The following CSMD1 variants were observed in gnomAD, a reference collection of about 807,000 sequenced individuals.
CSMD1 encodes CUB and sushi domain-containing protein 1.
In CSMD1, 213 loss-of-function variants were observed where a neutral mutation model predicts 417.5. That is an observed-to-expected ratio of 0.51 (90% CI 0.46 to 0.57). The LOEUF is 0.57. Among genes scored for constraint, CSMD1 ranks in the 20% least tolerant of loss-of-function variants. The pLI, the probability that CSMD1 is intolerant of heterozygous loss-of-function variation, is 0.00. For missense variants in CSMD1, 6,923 were observed against 4,529.7 expected, an observed-to-expected ratio of 1.53 and a Z score of -15.17; for synonymous variants, 2,862 against 1,736.8, an observed-to-expected ratio of 1.65 and a Z score of -16.11.
chr8:3,661,965 C>T (rs1199764794), intron 7 of CSMD1, among the ~76,000 whole-genome samples: 1 of 152,150 alleles, frequency 6.6e-6, no homozygotes, highest in African/African-American at 2.4e-5. Flanking sequence ...GAGAACGGGA[C>T]ACCCAGAGGC....
intron 4 of CSMD1, among the ~76,000 whole-genome samples, chr8:4,000,137 C>G (rs1815553366): frequency 6.6e-6 from 1 of 152,182 alleles, no homozygotes; most frequent in Non-Finnish European, 1.5e-5. Context: ...TGCAAGCACA[C>G]ACACTTCCCT....
In CSMD1 at chr8:4,555,524, A is replaced by G. The variant is rs1037763417; in HGVS notation, c.302+81818T>C. ...CTGGCCACTTGGTTTTCTACTCTCCATCTGCATCCCAGTTCCTTTTTCCTG... is the reference window on the plus strand; with the variant it reads ...CTGGCCACTTGGTTTTCTACTCTCCGTCTGCATCCCAGTTCCTTTTTCCTG... On this transcript the variant is annotated intron_variant, in intron 2 of 69. Transcript: ENST00000635120. Among the ~76,000 whole-genome samples, 4 of 152,142 alleles carry G rather than the reference A, an allele frequency of 2.6e-5. No individual in the cohort carries two copies. In the East Asian group the frequency reaches 5.8e-4, roughly 22 times the overall value.
chr8:4,948,681 A>T (rs564121539), intron 1 of CSMD1, among the ~76,000 whole-genome samples: 1 of 152,070 alleles, frequency 6.6e-6, no homozygotes, highest in Admixed American at 6.6e-5. Flanking sequence ...TCATATTTTT[A>T]AATAATTTGT....
intron 3 of CSMD1, among the ~76,000 whole-genome samples, chr8:4,101,245 C>T (rs541325979): frequency 1.4e-3 from 219 of 152,256 alleles, no homozygotes; most frequent in African/African-American, 5.1e-3. Context: ...CTGTTTCTCC[C>T]CTGAGGTTAA....
chr8:3,515,310 A>T (rs1797239890), intron 10 of CSMD1: 1 of 152,196 alleles, frequency 6.6e-6, no homozygotes, highest in Non-Finnish European at 1.5e-5. Flanking sequence ...ATCTGAGCTG[A>T]TGCTGGCATG....
intron 3 of CSMD1, among the ~76,000 whole-genome samples, chr8:4,085,979 T>C (rs1305457964): frequency 6.6e-6 from 1 of 152,132 alleles, no homozygotes; most frequent in Non-Finnish European, 1.5e-5. Flanking sequence ...TACCTTGAAA[T>C]AAAAACTGTA....
chr8:4,566,460 T>C (rs958372132), intron 2 of CSMD1, among the ~76,000 whole-genome samples: 12 of 151,178 alleles, frequency 7.9e-5, no homozygotes, highest in African/African-American at 2.7e-4. Context: ...GAGACCATCC[T>C]GGCTAACAAG....
chr8:4,005,378 C>G lies in CSMD1; in HGVS notation c.611-7268G>C, dbSNP rs564608036. On this transcript the variant is annotated intron_variant, in intron 4 of 69. Coordinates refer to ENST00000635120, the MANE Select transcript of CSMD1 (RefSeq NM_033225.6). Reference sequence around the variant, plus strand: ...GCAGGGGCGGGTCCGGCTCCTTGAACAGACACACGTGGCCGGGTGGTCACT... The same window carrying G: ...GCAGGGGCGGGTCCGGCTCCTTGAAGAGACACACGTGGCCGGGTGGTCACT... 2.6e-5 allele frequency among the ~76,000 whole-genome samples: 4 copies of G among 152,284 alleles called. No homozygotes were observed. The East Asian group carries it at 7.7e-4, about 29-fold the overall frequency.
intron 1 of CSMD1, among the ~76,000 whole-genome samples, chr8:4,982,506 T>G (rs2117439132): frequency 6.6e-6 from 1 of 152,322 alleles, no homozygotes; most frequent in East Asian, 1.9e-4. Flanking sequence ...CATTAAAAAG[T>G]GGCTCAAATC....
chr8:3,252,961 T>A lies in CSMD1; in HGVS notation c.4154-22730A>T, dbSNP rs186549907. Among the ~76,000 whole-genome samples the A allele has an allele frequency of 2.8e-3, 419 of 152,298 alleles. 2 individuals carry two copies. Among genetic ancestry groups the A allele is most frequent in the African/African-American group, 9.6e-3 (398 of 41,574 alleles). Reference sequence around the variant, plus strand: ...ATTTGATTATTCTCTCTTTTCTTCTTTATTAGTTTTGCTAGCAGTCTATCA... The same window carrying A: ...ATTTGATTATTCTCTCTTTTCTTCTATATTAGTTTTGCTAGCAGTCTATCA... On this transcript the variant is annotated intron_variant, in intron 26 of 69. Transcript: ENST00000635120.
chr8:4,201,104 G>A (rs555845187), intron 3 of CSMD1, among the ~76,000 whole-genome samples: 1 of 152,146 alleles, frequency 6.6e-6, no homozygotes. Flanking sequence ...ACCTTTCAGA[G>A]AATCAGTGAC....
intron 49 of CSMD1, among the ~76,000 whole-genome samples, chr8:3,060,072 C>T (rs1199314327): frequency 6.6e-6 from 1 of 152,070 alleles, no homozygotes; most frequent in Non-Finnish European, 1.5e-5. Context: ...TACTTTCCGG[C>T]TCTTTCTATG....
chr8:4,777,699 C>G (rs1796935498), intron 1 of CSMD1, among the ~76,000 whole-genome samples: 1 of 152,154 alleles, frequency 6.6e-6, no homozygotes, highest in African/African-American at 2.4e-5. Flanking sequence ...AATGGTGAAA[C>G]TGCAATTACT....
At chr8:3,874,889 T>G (rs1262016272) in intron 5 of CSMD1, among the ~76,000 whole-genome samples, 1 of 152,150 alleles carries the variant, frequency 6.6e-6, no homozygotes, top group South Asian at 2.1e-4. Context: ...TCCACTGCGA[T>G]GCTGCGCACC....
intron 54 of CSMD1, among the ~76,000 whole-genome samples, chr8:2,991,183 T>C (rs1044463232): frequency 6.6e-6 from 1 of 152,242 alleles, no homozygotes; most frequent in African/African-American, 2.4e-5. Flanking sequence ...TATTACTTTA[T>C]GTAGAAACTA....
chr8:4,432,797 T>C (rs967499951), intron 2 of CSMD1, among the ~76,000 whole-genome samples: 9 of 152,230 alleles, frequency 5.9e-5, no homozygotes, highest in Admixed American at 1.3e-4. Context: ...ATTTTGGTTA[T>C]TGATTAGAAA....
Position 2,978,654 on chromosome 8 carries a change from T to C in CSMD1, c.8524A>G (p.Met2842Val), listed in dbSNP as rs781522394. 22 of 1,606,718 alleles carry C rather than the reference T, an allele frequency of 1.4e-5. No individual in the cohort carries two copies. In the East Asian group the frequency reaches 4.9e-4, roughly 36 times the overall value. The change falls in exon 55 of 70, where the codon ATG becomes GTG. Residue 2842 changes from methionine to valine, a missense_variant. Physicochemically the swap from Met to Val is conservative, Grantham distance 21 (BLOSUM62 1). Coordinates refer to ENST00000635120, the MANE Select transcript of CSMD1 (RefSeq NM_033225.6). The part of the protein sequence containing the change: ...YLLGSSALTC[M>V]ANGLWDRSLP... ...GATCGGTCCCATAAGCCATTTGCCA[T>C]ACAGGTCAAGGCTGAAGATCCCAGC...
At chr8:3,200,193 T>A (rs1055091900) in intron 32 of CSMD1, among the ~76,000 whole-genome samples, 2 of 152,062 alleles carry the variant, frequency 1.3e-5, no homozygotes, top group Admixed American at 6.6e-5. Context: ...AGTAACTGAA[T>A]CCAAAGATGA....
intron 1 of CSMD1, among the ~76,000 whole-genome samples, chr8:4,701,317 C>CT (rs5889050): frequency 0.56 from 79,461 of 143,124 alleles, 21,435 homozygotes; most frequent in Admixed American, 0.62. Context: ...TCCTTTGATG[C>CT]TTTTTTTTTT....
Sources: gnomAD v4.1 joint callset for allele counts (sites outside exome capture counted in the v4.1 genomes callset) on GRCh38, gnomAD v4.1.1 for gene constraint, MANE v1.5 for transcripts, NCBI Gene and HGNC (gene_info 2026-07-23, HGNC 2026-07-21) for gene names.